Variants in FOXN1 observed in about 807,000 individuals in gnomAD.
The protein encoded by FOXN1 is forkhead box protein N1.
FOXN1 carries 15 observed loss-of-function variants against 49.0 expected under a neutral mutation model. The ratio of observed to expected loss-of-function variants is 0.31; its 90% CI spans 0.20 to 0.47. FOXN1 has a LOEUF of 0.47. Among genes scored for constraint, FOXN1 ranks in the 20% least tolerant of loss-of-function variants. The pLI, the probability that FOXN1 is intolerant of heterozygous loss-of-function variation, is 1.00. For missense variants in FOXN1, 800 were observed against 842.8 expected, an observed-to-expected ratio of 0.95 and a Z score of 0.63; for synonymous variants, 356 against 369.0, an observed-to-expected ratio of 0.96 and a Z score of 0.40.
At chr17:28,526,754 G>A (rs2151489459) in intron 3 of FOXN1, among the ~76,000 whole-genome samples, 1 of 152,280 alleles carries the variant, frequency 6.6e-6, no homozygotes, top group East Asian at 1.9e-4. Flanking sequence ...TACAGAGGAG[G>A]AAACAGAAGG....
chr17:28,534,580 C>T lies in FOXN1; in HGVS notation c.1135+42C>T. The stretch of plus-strand genomic sequence containing the variant: ...CACGCAAGGAAGGGCCCAGGGTACT[C>T]ATGAGCCAAAAAAAAAAAAAAGAGA... On this transcript the variant is annotated intron_variant, in intron 7 of 8. Transcript: ENST00000579795. The surrounding 1 kb of genome is among the most constrained non-coding windows in gnomAD (Gnocchi z 4.1). The T allele has an allele frequency of 1.9e-6, 3 of 1,578,022 alleles. No individual in the cohort carries two copies. The highest frequency in any genetic ancestry group is 1.1e-5 in the South Asian group (1 of 88,162).
At chr17:28,520,496 A>G (rs898639470) in intron 1 of FOXN1, among the ~76,000 whole-genome samples, 1 of 152,240 alleles carries the variant, frequency 6.6e-6, no homozygotes, top group Non-Finnish European at 1.5e-5. Context: ...CCAGAGGACC[A>G]GTCAGGAACC....
chr17:28,523,349 C>A (rs1056399543), intron 1 of FOXN1, among the ~76,000 whole-genome samples: 6 of 152,198 alleles, frequency 3.9e-5, no homozygotes, highest in African/African-American at 1.4e-4. Context: ...AACCGGGGGC[C>A]TTTGGGTCCC....
chr17:28,536,649 T>C (rs1386716628), intron 8 of FOXN1, among the ~76,000 whole-genome samples: 2 of 152,164 alleles, frequency 1.3e-5, no homozygotes, highest in Non-Finnish European at 2.9e-5. Context: ...GCATCCTGGC[T>C]CTGCTCCCAT....
At chr17:28,528,997 C>A in intron 4 of FOXN1, 97 bp from the exon 5 acceptor site, 1 of 1,528,838 alleles carries the variant, frequency 6.5e-7, no homozygotes, top group Non-Finnish European at 9.0e-7. Flanking sequence ...AGAATCTGGC[C>A]TGAGCCCCTT....
intron 1 of FOXN1, among the ~76,000 whole-genome samples, chr17:28,514,660 C>T (rs981803088): frequency 2.0e-5 from 3 of 152,100 alleles, no homozygotes; most frequent in Non-Finnish European, 2.9e-5. Flanking sequence ...CCCCACCCCT[C>T]GTAAAACATG....
intron 1 of FOXN1, among the ~76,000 whole-genome samples, chr17:28,520,033 T>C (rs148787781): frequency 6.6e-6 from 1 of 152,332 alleles, no homozygotes; most frequent in African/African-American, 2.4e-5. Context: ...TTAAGCTATT[T>C]ACAAGCAATA....
At position 28,524,062 on chromosome 17, in the gene FOXN1, G is replaced by A. The variant is rs773163481; in HGVS notation, c.93G>A (p.Pro31=). The A allele has an allele frequency of 1.7e-5, 27 of 1,608,288 alleles. No homozygotes were observed. Among genetic ancestry groups the A allele is most frequent in the Middle Eastern group, 4.1e-4 (2 of 4,868 alleles). ...GERQGDLMQA[P]GLPGSPAPQS... is the part of the protein sequence containing the mutation. ...GCCAAGGGGACCTCATGCAGGCACCGGGCCTCCCAGGCTCCCCTGCCCCAC... is the reference window on the plus strand; with the variant it reads ...GCCAAGGGGACCTCATGCAGGCACCAGGCCTCCCAGGCTCCCCTGCCCCAC... Residue 31 remains proline, a synonymous_variant, in exon 2 of 9, where the codon CCG becomes CCA. Coordinates refer to ENST00000579795, the MANE Select transcript of FOXN1 (RefSeq NM_001369369.1).
chr17:28,523,986 C>A lies in FOXN1; in HGVS notation c.17C>A (p.Pro6Gln). The change falls in exon 2 of 9, where the codon CCG becomes CAG. Residue 6 changes from proline to glutamine, a missense_variant. Physicochemically the swap from Pro to Gln is moderately conservative, Grantham distance 76. Transcript: ENST00000579795. Reference sequence around the variant, plus strand: ...GACTGGGTGATGGTGTCGCTACCCCCGCCGCAGTCTGACGTCACGCTGCCG... The same window carrying A: ...GACTGGGTGATGGTGTCGCTACCCCAGCCGCAGTCTGACGTCACGCTGCCG... MVSLP[P>Q]PQSDVTLPGP... 6.2e-7 allele frequency: 1 copy of A among 1,613,200 alleles called. No homozygotes were observed. Among genetic ancestry groups the A allele is most frequent in the East Asian group, 2.2e-5 (1 of 44,866 alleles).
chr17:28,529,243 A>T lies in FOXN1; in HGVS notation c.830+19A>T. 2.5e-6 allele frequency: 4 copies of T among 1,613,454 alleles called. No individual in the cohort carries two copies. Among genetic ancestry groups the T allele is most frequent in the Non-Finnish European group, 3.4e-6 (4 of 1,179,696 alleles). On this transcript the variant is annotated intron_variant, in intron 5 of 8. Coordinates refer to ENST00000579795, the MANE Select transcript of FOXN1 (RefSeq NM_001369369.1). ...CCTACAGGTACATTTCCCACTCTCC[A>T]GGGATGGGAGGAGGAGGGGAGTGAG...
intron 3 of FOXN1, among the ~76,000 whole-genome samples, 184 bp downstream of exon 3, chr17:28,525,151 G>A (rs948562001): frequency 8.5e-5 from 13 of 152,118 alleles, no homozygotes; most frequent in African/African-American, 3.1e-4. Flanking sequence ...GCATGGAGGG[G>A]GGCAAGTGGG....
In FOXN1 at chr17:28,534,339, C is replaced by T. The variant is rs767538384; in HGVS notation, c.936C>T (p.Pro312=). ...TEHFPYFKTA[P]DGWKNSVRHN... ...TTGCTCTGTTCCGGCAGACAGCACC[C>T]GATGGCTGGAAGAATTCTGTCCGGC... Residue 312 remains proline, a synonymous_variant, in exon 7 of 9, where the codon CCC becomes CCT. Coordinates refer to ENST00000579795, the MANE Select transcript of FOXN1 (RefSeq NM_001369369.1). The surrounding 1 kb of genome is among the most constrained non-coding windows in gnomAD (Gnocchi z 4.1). 4.5e-5 allele frequency: 72 copies of T among 1,614,092 alleles called. No individual in the cohort carries two copies. The Middle Eastern group carries it at 4.9e-4, about 11-fold the overall frequency.
At position 28,537,431 on chromosome 17, in the gene FOXN1, G is replaced by A. The variant is rs2151502564; in HGVS notation, c.1942G>A (p.Ala648Thr). The change falls in exon 9 of 9, where the codon GCA becomes ACA. Residue 648 changes from alanine (A) to threonine (T), a missense_variant. By Grantham distance (58) the Ala-to-Thr change is moderately conservative. This residue lies in a region of FOXN1 where 344 missense variants were observed against 366.1 expected (regional missense o/e 0.94). Transcript: ENST00000579795. The stretch of plus-strand genomic sequence containing the variant: ...CCCCAGCTCCAAGCCCGTGGCCCTG[G>A]CATGAGCTGTGCCCAGCTTCGTCAG... ...LSPSSKPVALA is the reference protein window; with the variant it reads ...LSPSSKPVALT The A allele has an allele frequency of 1.2e-6, 2 of 1,611,906 alleles. No individual in the cohort carries two copies. Among genetic ancestry groups the A allele is most frequent in the Non-Finnish European group, 1.7e-6 (2 of 1,178,682 alleles).
intron 1 of FOXN1, among the ~76,000 whole-genome samples, chr17:28,510,215 C>T (rs2151473669): frequency 1.3e-5 from 2 of 152,280 alleles, no homozygotes; most frequent in East Asian, 1.9e-4. Flanking sequence ...CTCATACACC[C>T]TCCGGGGCCT....
rs112693382 is a variant in FOXN1 at position 28,526,523 on chromosome 17, C to T, written c.589-728C>T. On this transcript the variant is annotated intron_variant, in intron 3 of 8. Transcript: ENST00000579795. ...ACTAGGCCCTGGGACTCTGTGCCGG[C>T]CTCTCACACATGGGAAGGCGGAGTC... Among the ~76,000 whole-genome samples the T allele has an allele frequency of 7.0e-3, 1,065 of 152,356 alleles. 9 individuals are homozygous for T. Among genetic ancestry groups the T allele is most frequent in the Non-Finnish European group, 0.012 (819 of 68,026 alleles).
chr17:28,516,047 A>C (rs1318543866), intron 1 of FOXN1, among the ~76,000 whole-genome samples: 5 of 136,792 alleles, frequency 3.7e-5, no homozygotes, highest in South Asian at 2.4e-4. Flanking sequence ...AGGATCCATA[A>C]CTCCACAGGA....
Position 28,534,880 on chromosome 17 carries a change from A to G in FOXN1, c.1309A>G (p.Asn437Asp), listed in dbSNP as rs1003343277. The G allele has an allele frequency of 6.2e-7, 1 of 1,613,904 alleles. No individual in the cohort carries two copies. Among genetic ancestry groups the G allele is most frequent in the Non-Finnish European group, 8.5e-7 (1 of 1,179,946 alleles). ...HPAPGPIPGKNPLQDLLMGHT... is the reference protein window; with the variant it reads ...HPAPGPIPGKDPLQDLLMGHT... Reference sequence around the variant, plus strand: ...AGCTCCAGGCCCCATTCCTGGCAAGAACCCCCTGCAGGACCTACTTATGGG... The same window carrying G: ...AGCTCCAGGCCCCATTCCTGGCAAGGACCCCCTGCAGGACCTACTTATGGG... Residue 437 changes from asparagine (N) to aspartate (D), a missense_variant, in exon 8 of 9, where the codon AAC (asparagine) becomes GAC (aspartate). Asn to Asp is a conservative substitution (Grantham distance 23). This residue lies in a region of FOXN1 where 344 missense variants were observed against 366.1 expected (regional missense o/e 0.94). Coordinates refer to ENST00000579795, the MANE Select transcript of FOXN1 (RefSeq NM_001369369.1). The surrounding 1 kb of genome is among the most constrained non-coding windows in gnomAD (Gnocchi z 4.1).
intron 1 of FOXN1, among the ~76,000 whole-genome samples, chr17:28,517,463 C>T (rs1231130591): frequency 6.6e-6 from 1 of 151,020 alleles, no homozygotes; most frequent in Non-Finnish European, 1.5e-5. Context: ...GGGTACACAC[C>T]TCCATAGGGT....
chr17:28,514,884 G>A (rs116773892), intron 1 of FOXN1, among the ~76,000 whole-genome samples: 1,675 of 152,150 alleles, frequency 0.011, 11 homozygotes, highest in Non-Finnish European at 0.015. Flanking sequence ...CTCCAACGTC[G>A]CCCCCACCCA....
Sources: gnomAD v4.1 joint callset for allele counts (sites outside exome capture counted in the v4.1 genomes callset) on GRCh38, gnomAD v4.1.1 for gene constraint, gnomAD v4.1.1 regional missense constraint, Gnocchi (gnomAD v3.1) non-coding constraint, MANE v1.5 for transcripts, NCBI Gene and HGNC (gene_info 2026-07-23, HGNC 2026-07-21) for gene names.